GFM2: variants seen among roughly 807,000 people sequenced by gnomAD.
GFM2 encodes GTP dependent ribosome recycling factor mitochondrial 2.
Under a neutral mutation model 95.4 loss-of-function variants are expected in GFM2, and 72 were observed. The ratio of observed to expected loss-of-function variants is 0.76; its 90% CI spans 0.62 to 0.92. The LOEUF is 0.92. GFM2 is among the 40% of genes least tolerant of loss of function. The pLI is 0.00. For synonymous variants in GFM2, 276 were observed against 317.5 expected, an observed-to-expected ratio of 0.87 and a Z score of 1.39; for missense variants, 825 against 924.1, an observed-to-expected ratio of 0.89 and a Z score of 1.39.
chr5:74,744,204 C>T (rs1186742068), intron 10 of GFM2, among the ~76,000 whole-genome samples: 1 of 151,982 alleles, frequency 6.6e-6, no homozygotes, highest in East Asian at 1.9e-4. Context: ...TGTTACTGTA[C>T]TGAATACTGT....
chr5:74,746,200 G>A (rs1185220792), intron 8 of GFM2, 35 bp from the exon 9 acceptor site: 3 of 1,211,914 alleles, frequency 2.5e-6, no homozygotes, highest in South Asian at 2.2e-5. Flanking sequence ...TTAAAAACAT[G>A]GTTAAAAATT....
rs67360841 is a variant in GFM2, at chr5:74,732,927, GAC to G, written c.1587+93_1587+94del. 20,893 of 401,242 alleles carry G rather than the reference GAC, an allele frequency of 0.052. 256 individuals carry two copies. Among genetic ancestry groups the G allele is most frequent in the East Asian group, 0.084 (1,888 of 22,456 alleles). 24.9% of individuals were successfully genotyped at this position (401,242 alleles called of 1,614,324 possible). The stretch of plus-strand genomic sequence containing the variant: ...TTCAGGACACAGACTTAATGTTTTA[GAC>G]ACACACACACACACACACACACACA... On this transcript the variant is annotated intron_variant, in intron 16 of 20. Transcript: ENST00000296805.
chr5:74,723,781 C>T (rs142569033), intron 19 of GFM2, among the ~76,000 whole-genome samples: 2,206 of 152,276 alleles, frequency 0.014, 12 homozygotes, highest in Admixed American at 0.021. Flanking sequence ...ACCATGCTCA[C>T]GTCCTCCAAA....
rs1022839480 is a variant in GFM2 at position 74,759,489 on chromosome 5, T to C, written c.149-63A>G. 3 of 852,384 alleles carry C rather than the reference T, an allele frequency of 3.5e-6. No homozygotes were observed. The African/African-American group carries it at 5.2e-5, about 15-fold the overall frequency. 52.8% of individuals were successfully genotyped at this position (852,384 alleles called of 1,614,324 possible). On this transcript the variant is annotated intron_variant, in intron 3 of 20. Coordinates refer to ENST00000296805, the MANE Select transcript of GFM2 (RefSeq NM_032380.5). The stretch of plus-strand genomic sequence containing the variant: ...ATGAAATTTTCCTTTAATTTATAAA[T>C]GAAAGACTTTAAAATAACTTTAAGC...
At chr5:74,750,180 C>A (rs929942543) in intron 7 of GFM2, among the ~76,000 whole-genome samples, 3 of 152,112 alleles carry the variant, frequency 2.0e-5, no homozygotes, top group Admixed American at 6.5e-5. Flanking sequence ...GATTAAACGT[C>A]AAATTTATCT....
At chr5:74,724,712 T>C (rs990381749) in intron 19 of GFM2, among the ~76,000 whole-genome samples, 7 of 152,170 alleles carry the variant, frequency 4.6e-5, no homozygotes, top group African/African-American at 1.7e-4. Context: ...AAATTAACTT[T>C]GTAATTTCGG....
At position 74,722,378 on chromosome 5, in the gene GFM2, C is replaced by T. The variant is rs749490366; in HGVS notation, c.2211+1G>A. ...GTACTTTTCAGTTACAAAGTACCTA[C>T]CATAATTTCTGCTAAGGGAACAAAT... On this transcript the variant is annotated splice_donor_variant, in intron 20 of 20. Transcript: ENST00000296805. LOFTEE classifies it high-confidence loss of function. 20 of 1,612,248 alleles carry T rather than the reference C, an allele frequency of 1.2e-5. No homozygotes were observed. The South Asian group carries it at 2.1e-4, about 17-fold the overall frequency.
chr5:74,738,737 T>C (rs1742966555), intron 12 of GFM2, 95 bp from the exon 13 acceptor site: 2 of 1,204,714 alleles, frequency 1.7e-6, no homozygotes, highest in Non-Finnish European at 2.3e-6. Flanking sequence ...TTTTATCTTC[T>C]AGTAGAGCTA....
intron 16 of GFM2, among the ~76,000 whole-genome samples, chr5:74,731,096 A>G (rs995243161): frequency 2.1e-4 from 32 of 152,216 alleles, no homozygotes; most frequent in Admixed American, 6.5e-5. Flanking sequence ...TACAGGCGTG[A>G]GCCACCGCAC....
chr5:74,733,152 T>G, intron 15 of GFM2, 54 bp from the exon 16 acceptor site: 1 of 1,293,918 alleles, frequency 7.7e-7, no homozygotes, highest in East Asian at 2.5e-5. Context: ...TAATTTATTA[T>G]ATGTTCTAGT....
At chr5:74,753,390 G>T (rs1337675126) in intron 5 of GFM2, among the ~76,000 whole-genome samples, 1 of 152,162 alleles carries the variant, frequency 6.6e-6, no homozygotes, top group Non-Finnish European at 1.5e-5. Context: ...TTGCGGTCAG[G>T]AGTTCAAGAC....
Position 74,738,305 on chromosome 5 carries a change from T to C in GFM2, c.1320+13A>G. 1 of 1,584,020 alleles carries C rather than the reference T, an allele frequency of 6.3e-7. No individual in the cohort carries two copies. The highest frequency in any genetic ancestry group is 1.1e-5 in the South Asian group (1 of 87,526). On this transcript the variant is annotated intron_variant, in intron 14 of 20. Transcript: ENST00000296805. ...AAGCTGTTATTTCCTAGAGAAATCA[T>C]TTGGTCACTTACATGTTTAAGCCCA...
intron 17 of GFM2, among the ~76,000 whole-genome samples, chr5:74,727,464 T>C (rs1276104278): frequency 1.3e-5 from 2 of 152,200 alleles, no homozygotes; most frequent in East Asian, 1.9e-4. Context: ...GTCTGCACTA[T>C]TTTCCGACTC....
intron 3 of GFM2, among the ~76,000 whole-genome samples, chr5:74,760,367 A>T (rs1221928095): frequency 2.0e-5 from 3 of 152,168 alleles, no homozygotes; most frequent in Non-Finnish European, 2.9e-5. Context: ...GAGAACAGCA[A>T]CAGAATTAAA....
intron 5 of GFM2, among the ~76,000 whole-genome samples, chr5:74,754,166 G>C (rs1743856433): frequency 6.6e-6 from 1 of 152,070 alleles, no homozygotes; most frequent in Non-Finnish European, 1.5e-5. Flanking sequence ...CAAATGCTGA[G>C]AGAACTCACC....
chr5:74,759,471 T>G lies in GFM2; in HGVS notation c.149-45A>C, dbSNP rs770232570. On this transcript the variant is annotated intron_variant, in intron 3 of 20. Transcript: ENST00000296805. Reference sequence around the variant, plus strand: ...AATTGAACTGTTACATTTATGAAATTTTCCTTTAATTTATAAATGAAAGAC... The same window carrying G: ...AATTGAACTGTTACATTTATGAAATGTTCCTTTAATTTATAAATGAAAGAC... 12 of 1,002,900 alleles carry G rather than the reference T, an allele frequency of 1.2e-5. No homozygotes were observed. In the South Asian group the frequency reaches 1.8e-4, roughly 15 times the overall value. 62.1% of individuals were successfully genotyped at this position (1,002,900 alleles called of 1,614,324 possible). A position where few individuals can be genotyped will look rare whatever the true frequency, so the allele number is the denominator to read the frequency against.
At chr5:74,742,971 G>A (rs980459360) in intron 10 of GFM2, among the ~76,000 whole-genome samples, 1 of 152,126 alleles carries the variant, frequency 6.6e-6, no homozygotes, top group Non-Finnish European at 1.5e-5. Flanking sequence ...CCAGCCCACT[G>A]TACTCTTGCA....
intron 17 of GFM2, among the ~76,000 whole-genome samples, chr5:74,726,697 ATGTC>A (rs1438583312): frequency 2.6e-5 from 4 of 152,136 alleles, no homozygotes; most frequent in African/African-American, 9.7e-5. Flanking sequence ...ATATTTTACT[ATGTC>A]TGTTACCAAT....
intron 16 of GFM2, among the ~76,000 whole-genome samples, chr5:74,731,189 G>C: frequency 6.6e-6 from 1 of 152,146 alleles, no homozygotes; most frequent in Non-Finnish European, 1.5e-5. Context: ...TAAATGGGGG[G>C]AATAACCTTT....
Sources: gnomAD v4.1 joint callset for allele counts (sites outside exome capture counted in the v4.1 genomes callset) on GRCh38, gnomAD v4.1.1 for gene constraint, MANE v1.5 for transcripts, NCBI Gene and HGNC (gene_info 2026-07-23, HGNC 2026-07-21) for gene names.